SMARCA2: variants seen among roughly 807,000 people sequenced by gnomAD.
SMARCA2 encodes SWI/SNF related BAF chromatin remodeling complex subunit ATPase 2.
SMARCA2 carries 61 observed loss-of-function variants against 199.8 expected under a neutral mutation model. The observed-to-expected ratio is 0.31, with a 90% CI of 0.25 to 0.38. SMARCA2 has a LOEUF of 0.38. Among genes scored for constraint, SMARCA2 ranks in the 10% least tolerant of loss-of-function variants. The pLI, the probability that SMARCA2 is intolerant of heterozygous loss-of-function variation, is 1.00. For synonymous variants in SMARCA2, 935 were observed against 732.0 expected (o/e 1.28, Z -4.48); for missense variants, 1,344 against 2,012.2 (o/e 0.67, Z 6.35).
chr9:2,168,160 C>T (rs971570655), intron 28 of SMARCA2, among the ~76,000 whole-genome samples: 1 of 151,698 alleles, frequency 6.6e-6, no homozygotes, highest in Non-Finnish European at 1.5e-5. Context: ...TATGGGCGTG[C>T]ACCACGATGC....
Position 2,039,910 on chromosome 9 carries a change from T to C in SMARCA2, c.790+10T>C, listed in dbSNP as rs760000711. The stretch of plus-strand genomic sequence containing the variant: ...TACAACAGACCATCTGGTAGGTTAA[T>C]ACGCAACCAAATGAATAATGCCATG... On this transcript the variant is annotated intron_variant, in intron 4 of 33. Transcript: ENST00000349721. The surrounding 1 kb of genome is among the most constrained non-coding windows in gnomAD (Gnocchi z 4.8). 1.9e-6 allele frequency: 3 copies of C among 1,612,568 alleles called. No individual in the cohort carries two copies. The highest frequency in any genetic ancestry group is 2.5e-6 in the Non-Finnish European group (3 of 1,179,296).
In SMARCA2 at chr9:2,158,822, A is replaced by C. The variant is rs534508772; in HGVS notation, c.3982-2864A>C. 53 of 818,216 alleles carry C rather than the reference A, an allele frequency of 6.5e-5. 2 individuals carry two copies. The South Asian group carries it at 1.3e-3, about 20-fold the overall frequency. The allele number at this position is 818,216 out of a possible 1,614,324, so 50.7% of individuals were successfully genotyped here. ...TCTTTATGTGCGAAAAGCATTGGGA[A>C]GTGTTTAGTGAATTGATTTCCATTA... On this transcript the variant is annotated intron_variant, in intron 27 of 33. Coordinates refer to ENST00000349721, the MANE Select transcript of SMARCA2 (RefSeq NM_003070.5).
At chr9:2,069,370 C>A (rs1820990025) in intron 9 of SMARCA2, among the ~76,000 whole-genome samples, 1 of 151,216 alleles carries the variant, frequency 6.6e-6, no homozygotes, top group South Asian at 2.1e-4. Context: ...TCGTGGCTAA[C>A]ACGGTGAAAC....
intron 21 of SMARCA2, among the ~76,000 whole-genome samples, chr9:2,100,505 C>A (rs1023151770): frequency 5.9e-5 from 9 of 152,060 alleles, no homozygotes; most frequent in African/African-American, 2.2e-4. Flanking sequence ...AGTTCAAGAC[C>A]AGCCTGGCCA....
At chr9:2,131,854 C>G (rs925345572) in intron 27 of SMARCA2, among the ~76,000 whole-genome samples, 1 of 150,768 alleles carries the variant, frequency 6.6e-6, no homozygotes, top group African/African-American at 2.4e-5. Context: ...GCAGGAGAAT[C>G]ACTTGAACCT....
intron 27 of SMARCA2, among the ~76,000 whole-genome samples, chr9:2,147,438 C>T (rs1824818251): frequency 6.6e-6 from 1 of 152,094 alleles, no homozygotes; most frequent in Non-Finnish European, 1.5e-5. Context: ...ATCTGTTTGC[C>T]ACATCTTTCA....
chr9:2,065,946 AGTCAAAAT>A (rs1820819908), intron 9 of SMARCA2, among the ~76,000 whole-genome samples: 2 of 152,336 alleles, frequency 1.3e-5, no homozygotes, highest in Middle Eastern at 6.8e-3. Context: ...CAGTTACTTG[AGTCAAAAT>A]GTTTGAATTG....
intron 28 of SMARCA2, among the ~76,000 whole-genome samples, chr9:2,166,524 G>T (rs566633579): frequency 1.1e-4 from 16 of 152,240 alleles, no homozygotes; most frequent in African/African-American, 3.9e-4. Context: ...CCTACTGATT[G>T]TATTCTTATC....
At position 2,087,140 on chromosome 9, in the gene SMARCA2, A is replaced by G. The variant is rs1821834531; in HGVS notation, c.2769+69A>G. 3 of 1,583,514 alleles carry G rather than the reference A, an allele frequency of 1.9e-6. No homozygotes were observed. The Admixed American group carries it at 5.2e-5, about 27-fold the overall frequency. On this transcript the variant is annotated intron_variant, in intron 18 of 33. Transcript: ENST00000349721. The stretch of plus-strand genomic sequence containing the variant: ...TGAAATGAAAGGCCCTAAAGCTGAG[A>G]ACATTAGAGCCACAGAACACCCGCA...
At chr9:2,140,758 T>G (rs1018537722) in intron 27 of SMARCA2, among the ~76,000 whole-genome samples, 11 of 152,180 alleles carry the variant, frequency 7.2e-5, no homozygotes, top group African/African-American at 2.2e-4. Context: ...AGAATTATTT[T>G]TAACCTGTTG....
chr9:2,091,651 A>G (rs1335072186), intron 19 of SMARCA2, among the ~76,000 whole-genome samples: 1 of 152,220 alleles, frequency 6.6e-6, no homozygotes, highest in Non-Finnish European at 1.5e-5. Flanking sequence ...TGGTCAGTGT[A>G]TACATAGATT....
At chr9:2,090,806 T>C (rs145304501) in intron 19 of SMARCA2, among the ~76,000 whole-genome samples, 1 of 152,314 alleles carries the variant, frequency 6.6e-6, no homozygotes, top group Non-Finnish European at 1.5e-5. Context: ...GTGGTTGTTG[T>C]TGATATGGCT....
chr9:2,191,565 C>G, intron 33 of SMARCA2, 157 bp downstream of exon 33: 1 of 790,252 alleles, frequency 1.3e-6, no homozygotes, highest in East Asian at 2.6e-5. Context: ...GTGAACGGAG[C>G]TGTATGATTT....
At chr9:2,063,159 C>G (rs1231988009) in intron 9 of SMARCA2, among the ~76,000 whole-genome samples, 1 of 152,084 alleles carries the variant, frequency 6.6e-6, no homozygotes, top group East Asian at 1.9e-4. Flanking sequence ...TCCAGGGTAT[C>G]TTACTGGGAG....
chr9:2,160,072 T>A, intron 27 of SMARCA2: 1 of 833,806 alleles, frequency 1.2e-6, no homozygotes, highest in Non-Finnish European at 1.8e-6. Flanking sequence ...TTGCATGCTG[T>A]ATTTATTATT....
At chr9:2,181,525 T>C in intron 29 of SMARCA2, 46 bp from the exon 30 acceptor site, 1 of 896,784 alleles carries the variant, frequency 1.1e-6, no homozygotes, top group Non-Finnish European at 1.9e-6. Context: ...CTTTCCTCAG[T>C]AATGTTTGAT....
At position 2,123,774 on chromosome 9, in the gene SMARCA2, G is replaced by A; in HGVS notation, c.3818G>A (p.Arg1273His). The A allele has an allele frequency of 6.2e-7, 1 of 1,614,070 alleles. No individual in the cohort carries two copies. The highest frequency in any genetic ancestry group is 2.2e-5 in the East Asian group (1 of 44,876). ...GCCCGGAACCCGAAACGGAAGCCCC[G>A]TTTAATGGAGGAGGATGAGCTGCCC... ...EDARNPKRKP[R>H]LMEEDELPSW... is the part of the protein sequence containing the mutation. The change falls in exon 27 of 34, where the codon CGT becomes CAT. Residue 1273 changes from arginine (R) to histidine (H), a missense_variant. Transcript: ENST00000349721. The surrounding 1 kb of genome is among the most constrained non-coding windows in gnomAD (Gnocchi z 4.1).
rs1417392206 is a variant in SMARCA2 at position 2,105,406 on chromosome 9, C to T, written c.3292+1237C>T. ...GATTACAGGCATGTGCCACCACGCC[C>T]GGCTAATTTTTTTTTTTTGTATTTT... On this transcript the variant is annotated intron_variant, in intron 23 of 33. Transcript: ENST00000349721. 1.1e-4 allele frequency among the ~76,000 whole-genome samples: 15 copies of T among 138,056 alleles called. No individual in the cohort carries two copies. In the East Asian group the frequency reaches 1.4e-3, roughly 13 times the overall value. The allele number at this position is 138,056 out of a possible 152,430, so 90.6% of individuals were successfully genotyped here. A position where few individuals can be genotyped will look rare whatever the true frequency, so the allele number is the denominator to read the frequency against.
intron 29 of SMARCA2, among the ~76,000 whole-genome samples, chr9:2,180,171 T>C (rs1826919064): frequency 6.6e-6 from 1 of 152,174 alleles, no homozygotes; most frequent in Admixed American, 6.5e-5. Context: ...CTGAGTAAAA[T>C]GCAGTCTTCT....
Sources: gnomAD v4.1 joint callset for allele counts (sites outside exome capture counted in the v4.1 genomes callset) on GRCh38, gnomAD v4.1.1 for gene constraint, Gnocchi (gnomAD v3.1) non-coding constraint, MANE v1.5 for transcripts, NCBI Gene and HGNC (gene_info 2026-07-23, HGNC 2026-07-21) for gene names.